ITM2A: variants seen among roughly 807,000 people sequenced by gnomAD.
The protein encoded by ITM2A is integral membrane protein 2A, also known as BRICHOS domain containing 2A.
ITM2A carries 11 observed loss-of-function variants against 16.6 expected under a neutral mutation model. The observed-to-expected ratio is 0.66, with a 90% CI of 0.42 to 1.10. ITM2A has a LOEUF of 1.10. ITM2A is among the 50% of genes least tolerant of loss of function. The pLI, the probability that ITM2A is intolerant of heterozygous loss-of-function variation, is 0.00. For missense variants in ITM2A, 243 were observed against 206.8 expected (o/e 1.17, Z -1.07); for synonymous variants, 102 against 71.2 (o/e 1.43, Z -2.18).
intron 4 of ITM2A, among the ~76,000 whole-genome samples, chrX:79,362,151 T>G (rs1469476766): frequency 3.6e-5 from 4 of 111,479 alleles, no homozygotes; most frequent in African/African-American, 9.8e-5. Context: ...ACACCAATGG[T>G]GTATAAGCAT....
At position 79,360,922 on chromosome X, in the gene ITM2A, G is replaced by T. The variant is rs1602220636; in HGVS notation, c.*167C>A. Reference sequence around the variant, plus strand: ...AGCAATGCCAATTAAACTAAAATTTGACAAGAGCTTGCAGTGGTTAGTAGT... The same window carrying T: ...AGCAATGCCAATTAAACTAAAATTTTACAAGAGCTTGCAGTGGTTAGTAGT... On this transcript the variant is annotated 3_prime_UTR_variant, in exon 6 of 6. Transcript: ENST00000373298. The T allele has an allele frequency of 7.3e-6, 2 of 275,708 alleles. No individual in the cohort carries two copies. Among genetic ancestry groups the T allele is most frequent in the Non-Finnish European group, 1.2e-5 (2 of 161,211 alleles). 22.7% of individuals were successfully genotyped at this position (275,708 alleles called of 1,213,427 possible).
At position 79,367,066 on chromosome X, in the gene ITM2A, T is replaced by C. The variant is rs1215979481; in HGVS notation, c.111+39A>G. On this transcript the variant is annotated intron_variant, in intron 1 of 5. Coordinates refer to ENST00000373298, the MANE Select transcript of ITM2A (RefSeq NM_004867.5). ...CTCCTCTGCTACCAGCCTTCTTTCTTTCGCCCACCCCTCCCCCATCCCGCC... is the reference window on the plus strand; with the variant it reads ...CTCCTCTGCTACCAGCCTTCTTTCTCTCGCCCACCCCTCCCCCATCCCGCC... The C allele has an allele frequency of 1.1e-5, 11 of 971,741 alleles. No individual in the cohort carries two copies. The Admixed American group carries it at 2.9e-4, about 26-fold the overall frequency. The allele number at this position is 971,741 out of a possible 1,213,427, so 80.1% of individuals were successfully genotyped here.
At chrX:79,362,110 T>G (rs1388131281) in intron 4 of ITM2A, among the ~76,000 whole-genome samples, 1 of 111,503 alleles carries the variant, frequency 9.0e-6, no homozygotes, top group Non-Finnish European at 1.9e-5. Flanking sequence ...CACCACAGCA[T>G]CTTCCATAAT....
At chrX:79,364,428 T>C (rs923951672) in intron 1 of ITM2A, among the ~76,000 whole-genome samples, 2 of 112,084 alleles carry the variant, frequency 1.8e-5, no homozygotes, top group South Asian at 7.4e-4. Flanking sequence ...GTTAAATCAA[T>C]ATTTTGCTTC....
rs779433169 is a variant in ITM2A at position 79,362,891 on chromosome X, G to C, written c.441+51C>G. ...ATACCTGCCAATGAAGTAAAAAAGA[G>C]AGAGAGAGAGAAAAAAAATCCTGGA... On this transcript the variant is annotated intron_variant, in intron 3 of 5. Coordinates refer to ENST00000373298, the MANE Select transcript of ITM2A (RefSeq NM_004867.5). The C allele has an allele frequency of 3.1e-6, 3 of 966,947 alleles. No individual in the cohort carries two copies. The African/African-American group carries it at 5.8e-5, about 19-fold the overall frequency. 79.7% of individuals were successfully genotyped at this position (966,947 alleles called of 1,213,427 possible).
Position 79,367,243 on chromosome X carries a change from C to T in ITM2A, c.-28G>A, listed in dbSNP as rs748593985. On this transcript the variant is annotated 5_prime_UTR_variant, in exon 1 of 6. Coordinates refer to ENST00000373298, the MANE Select transcript of ITM2A (RefSeq NM_004867.5). ...TGAATCTTCGGGCTGCGCGGTAAGG[C>T]GCTGCTGGAATCAGCGTCCTGGGCT... is the stretch of plus-strand genomic sequence containing the variant. 9.3e-7 allele frequency: 1 copy of T among 1,072,402 alleles called. No homozygotes were observed. The highest frequency in any genetic ancestry group is 1.3e-6 in the Non-Finnish European group (1 of 778,125). 88.4% of individuals were successfully genotyped at this position (1,072,402 alleles called of 1,213,427 possible). A position where few individuals can be genotyped will look rare whatever the true frequency, so the allele number is the denominator to read the frequency against.
At chrX:79,361,261 T>C in intron 5 of ITM2A, 68 bp downstream of exon 5, 1 of 1,121,873 alleles carries the variant, frequency 8.9e-7, no homozygotes, top group Middle Eastern at 2.4e-4. Context: ...CACTTTTTCC[T>C]GTATTCTACC....
chrX:79,361,411 A>G lies in ITM2A; in HGVS notation c.621T>C (p.Asp207=), dbSNP rs766010873. The part of the protein sequence containing the change: ...EDLVAVEEIR[D]VSNLGIFIYQ... The stretch of plus-strand genomic sequence containing the variant: ...AAATAAAGATGCCAAGGTTACTAAC[A>G]TCACGAATTTCCTCCACAGCAACTA... Residue 207 remains aspartate, a synonymous_variant, in exon 5 of 6, where the codon GAT becomes GAC. Coordinates refer to ENST00000373298, the MANE Select transcript of ITM2A (RefSeq NM_004867.5). 3 of 1,206,705 alleles carry G rather than the reference A, an allele frequency of 2.5e-6. No homozygotes were observed. Among genetic ancestry groups the G allele is most frequent in the South Asian group, 3.5e-5 (2 of 56,853 alleles).
intron 1 of ITM2A, 100 bp downstream of exon 1, chrX:79,367,005 G>A (rs898620540): frequency 1.8e-6 from 1 of 564,287 alleles, no homozygotes; most frequent in Admixed American, 3.3e-5. Flanking sequence ...CAGCGTAAGA[G>A]GAGCAAGAGG....
intron 1 of ITM2A, among the ~76,000 whole-genome samples, chrX:79,366,143 C>G (rs1022534233): frequency 9.0e-6 from 1 of 111,038 alleles, no homozygotes; most frequent in Admixed American, 9.5e-5. Flanking sequence ...GAGTAGTATA[C>G]GAACCCTGAA....
At chrX:79,365,577 A>C (rs1569317026) in intron 1 of ITM2A, among the ~76,000 whole-genome samples, 1 of 110,445 alleles carries the variant, frequency 9.1e-6, no homozygotes, top group Non-Finnish European at 1.9e-5. Flanking sequence ...AGTTTTGCTT[A>C]TTCCTCATCG....
At chrX:79,362,715 A>C in intron 3 of ITM2A, 24 bp from the exon 4 acceptor site, 1 of 1,064,958 alleles carries the variant, frequency 9.4e-7, no homozygotes, top group African/African-American at 1.8e-5. Flanking sequence ...GAAAAAAGTC[A>C]GGTAAGACAC....
Position 79,363,063 on chromosome X carries a change from T to C in ITM2A, c.320A>G (p.Asn107Ser), listed in dbSNP as rs145450211. 51 of 1,206,595 alleles carry C rather than the reference T, an allele frequency of 4.2e-5. No individual in the cohort carries two copies. Among genetic ancestry groups the C allele is most frequent in the Non-Finnish European group, 3.5e-5 (31 of 892,778 alleles). ...AGCCTCCTCAGTCACAGGCAGGAAG[T>C]TAGGCTCTCCTCCACGAAGGGAATT... ...PANSLRGGEP[N>S]FLPVTEEADI... The change falls in exon 3 of 6, where the codon AAC becomes AGC. Residue 107 changes from asparagine (N) to serine (S), a missense_variant. Physicochemically the swap from Asn to Ser is conservative, Grantham distance 46. Coordinates refer to ENST00000373298, the MANE Select transcript of ITM2A (RefSeq NM_004867.5).
chrX:79,362,887 AAG>A (rs763516885), intron 3 of ITM2A, 53 bp downstream of exon 3: 1,551 of 931,253 alleles, frequency 1.7e-3, no homozygotes, highest in Non-Finnish European at 2.1e-3. Flanking sequence ...TGAAGTAAAA[AAG>A]AGAGAGAGAG....
In ITM2A at chrX:79,363,120, T is replaced by A. The variant is rs1329389687; in HGVS notation, c.263A>T (p.Glu88Val). Residue 88 changes from glutamate to valine, a missense_variant, in exon 3 of 6, where the codon GAG (glutamate) becomes GTG (valine). By Grantham distance (121) the Glu-to-Val change is moderately radical. Transcript: ENST00000373298. ...ATCCTCAGAATCAAAAAAGCACATC[T>A]CTCCACGGTAAATGGTGCTCTAAAA... is the stretch of plus-strand genomic sequence containing the variant. ...FMPKSTIYRG[E>V]MCFFDSEDPA... 8.3e-7 allele frequency: 1 copy of A among 1,206,046 alleles called. No individual in the cohort carries two copies. Among genetic ancestry groups the A allele is most frequent in the Non-Finnish European group, 1.1e-6 (1 of 892,033 alleles).
intron 5 of ITM2A, 68 bp from the exon 6 acceptor site, chrX:79,361,245 G>T: frequency 8.9e-7 from 1 of 1,122,326 alleles, no homozygotes; most frequent in South Asian, 1.9e-5. Flanking sequence ...ATCCAGACTT[G>T]TTCCCCACTT....
In ITM2A at chrX:79,363,426, G is replaced by A; in HGVS notation, c.240C>T (p.Pro80=). The change falls in exon 2 of 6, where the codon CCC becomes CCT. Residue 80 remains proline, a synonymous_variant. Coordinates refer to ENST00000373298, the MANE Select transcript of ITM2A (RefSeq NM_004867.5). ...TAATTATAATTATTATTATTACCTT[G>A]GGCATGAAGTACTTGTAAATGCAGG... ...GGACIYKYFM[P]KSTIYRGEMC... 9.0e-7 allele frequency: 1 copy of A among 1,117,004 alleles called. No individual in the cohort carries two copies. Among genetic ancestry groups the A allele is most frequent in the Non-Finnish European group, 1.2e-6 (1 of 839,979 alleles). 92.1% of individuals were successfully genotyped at this position (1,117,004 alleles called of 1,213,427 possible).
intron 4 of ITM2A, among the ~76,000 whole-genome samples, chrX:79,361,812 C>A (rs922542860): frequency 1.9e-5 from 2 of 107,563 alleles, no homozygotes; most frequent in African/African-American, 6.8e-5. Context: ...TAATGGCCTC[C>A]AGCTTTATCC....
At position 79,363,025 on chromosome X, in the gene ITM2A, C is replaced by T. The variant is rs1925479661; in HGVS notation, c.358G>A (p.Asp120Asn). The change falls in exon 3 of 6, where the codon GAT becomes AAT. Residue 120 changes from aspartate to asparagine, a missense_variant. By Grantham distance (23) the Asp-to-Asn change is conservative. Transcript: ENST00000373298. Reference sequence around the variant, plus strand: ...ACATCAATGATTGCAATGTTGTCATCCTCACGAATGTCAGCCTCCTCAGTC... The same window carrying T: ...ACATCAATGATTGCAATGTTGTCATTCTCACGAATGTCAGCCTCCTCAGTC... ...PVTEEADIRE[D>N]DNIAIIDVPV... The T allele has an allele frequency of 1.7e-6, 2 of 1,206,153 alleles. No individual in the cohort carries two copies. Among genetic ancestry groups the T allele is most frequent in the Admixed American group, 4.4e-5 (2 of 45,937 alleles).
Sources: gnomAD v4.1 joint callset for allele counts (sites outside exome capture counted in the v4.1 genomes callset) on GRCh38, gnomAD v4.1.1 for gene constraint, MANE v1.5 for transcripts, NCBI Gene and HGNC (gene_info 2026-07-23, HGNC 2026-07-21) for gene names.